Variants in PCNX1 observed in about 807,000 individuals in gnomAD.
PCNX1 encodes pecanex-like protein 1.
Under a neutral mutation model 242.2 loss-of-function variants are expected in PCNX1, and 78 were observed. The observed-to-expected ratio is 0.32, with a 90% CI of 0.27 to 0.39. The LOEUF (loss-of-function observed/expected upper bound fraction) is 0.39, where lower values mean the gene tolerates loss of function less well. PCNX1 is among the 10% of genes least tolerant of loss of function. The probability of loss-of-function intolerance (pLI) is 1.00; values close to 1 mark genes in which losing one functional copy is unlikely to be tolerated. For missense variants in PCNX1, 2,581 were observed against 2,856.5 expected (o/e 0.90, Z 2.20); for synonymous variants, 1,024 against 1,032.9 (o/e 0.99, Z 0.17).
intron 30 of PCNX1, among the ~76,000 whole-genome samples, chr14:71,090,866 T>C (rs2062109970): frequency 6.6e-6 from 1 of 152,222 alleles, no homozygotes; most frequent in African/African-American, 2.4e-5. Flanking sequence ...ATGCCTTGGG[T>C]GCCTGCCCCT....
rs1168482584 is a variant in PCNX1, at chr14:70,977,418, C to G, written c.1081C>G (p.Pro361Ala). Residue 361 changes from proline to alanine, a missense_variant, in exon 6 of 36, where the codon CCT (proline) becomes GCT (alanine). Pro to Ala is a conservative substitution (Grantham distance 27). This residue lies in a region of PCNX1 where 1,204 missense variants were observed against 1,216.7 expected (regional missense o/e 0.99). Coordinates refer to ENST00000304743, the MANE Select transcript of PCNX1 (RefSeq NM_014982.3). ...ACCCACAAAAAGTGGGAAGAGCAAACCTTTGAAAGCAGAGAAAAGCATGGA... is the reference window on the plus strand; with the variant it reads ...ACCCACAAAAAGTGGGAAGAGCAAAGCTTTGAAAGCAGAGAAAAGCATGGA... ...QPPTKSGKSK[P>A]LKAEKSMDSL... The G allele has an allele frequency of 1.9e-6, 3 of 1,614,046 alleles. No homozygotes were observed. The highest frequency in any genetic ancestry group is 4.5e-5 in the East Asian group (2 of 44,874).
At chr14:70,920,476 A>G (rs2810072) in intron 1 of PCNX1, among the ~76,000 whole-genome samples, 66,928 of 151,906 alleles carry the variant, frequency 0.44, 16,085 homozygotes, top group Non-Finnish European at 0.55. Flanking sequence ...AAGGTTTTAC[A>G]TCTATGATAG....
chr14:70,998,958 AC>A (rs1282799971), intron 8 of PCNX1, among the ~76,000 whole-genome samples: 5 of 152,010 alleles, frequency 3.3e-5, no homozygotes, highest in African/African-American at 1.2e-4. Context: ...TATTTTAAAG[AC>A]CACATATTAA....
chr14:71,026,126 C>T lies in PCNX1; in HGVS notation c.3193C>T (p.Arg1065Cys), dbSNP rs774061529. 5.7e-6 allele frequency: 9 copies of T among 1,579,332 alleles called. No individual in the cohort carries two copies. The highest frequency in any genetic ancestry group is 7.7e-6 in the Non-Finnish European group (9 of 1,161,434). The part of the protein sequence containing the change: ...DSSSPRHGHN[R>C]IIAYSRPVYF... ...AAAATATCATTTTCAGGGTCATAAT[C>T]GTATCATTGCCTACAGTAGACCAGT... Residue 1065 changes from arginine (R) to cysteine (C), a missense_variant, in exon 14 of 36, where the codon CGT (arginine) becomes TGT (cysteine). Around this residue, in one of 9 missense-constraint regions of PCNX1, gnomAD observed 432 missense variants for 443.1 expected, o/e 0.97. Transcript: ENST00000304743.
intron 24 of PCNX1, chr14:71,053,348 C>T (rs1375427759): frequency 4.5e-6 from 2 of 446,306 alleles, no homozygotes; most frequent in Non-Finnish European, 4.5e-6. Context: ...TCTCGACTCA[C>T]TGCAACCTCC....
chr14:71,063,509 T>C (rs1410485325), intron 26 of PCNX1, among the ~76,000 whole-genome samples: 1 of 152,186 alleles, frequency 6.6e-6, no homozygotes, highest in Non-Finnish European at 1.5e-5. Flanking sequence ...TTTTCTTCTT[T>C]CTGTTCATTC....
At position 71,073,524 on chromosome 14, in the gene PCNX1, A is replaced by AGC. The variant is rs1289817476; in HGVS notation, c.4853-20_4853-19dup. On this transcript the variant is annotated intron_variant, in intron 26 of 35. Transcript: ENST00000304743. ...ACTTTCTGGTTTTCCCCCTTTGTAA[A>AGC]GCTCTCTCTCTCTCTCTAAGGTACC... 3.9e-6 allele frequency: 6 copies of AGC among 1,537,018 alleles called. No homozygotes were observed. The Admixed American group carries it at 9.7e-5, about 25-fold the overall frequency.
intron 30 of PCNX1, among the ~76,000 whole-genome samples, chr14:71,091,353 T>G (rs939845352): frequency 6.6e-6 from 1 of 152,154 alleles, no homozygotes; most frequent in Non-Finnish European, 1.5e-5. Context: ...GCTTATATAC[T>G]AAAAGAAAGG....
chr14:71,000,682 A>G (rs2059479307), intron 8 of PCNX1, among the ~76,000 whole-genome samples: 1 of 151,992 alleles, frequency 6.6e-6, no homozygotes, highest in African/African-American at 2.4e-5. Flanking sequence ...ATGTGCCACC[A>G]TGCCTGGCTA....
In PCNX1 at chr14:71,102,932, CTTGT is replaced by C. The variant is rs530919236; in HGVS notation, c.5821-456_5821-453del. On this transcript the variant is annotated intron_variant, in intron 31 of 35. Coordinates refer to ENST00000304743, the MANE Select transcript of PCNX1 (RefSeq NM_014982.3). ...GTTAAATAGTTCATTCTAACTTTTG[CTTGT>C]TTGTTTTTTTAAACATCTCAGTGCT... Among the ~76,000 whole-genome samples the C allele has an allele frequency of 1.4e-3, 213 of 152,120 alleles. 1 individual carries two copies. The highest frequency in any genetic ancestry group is 0.014 in the Middle Eastern group (4 of 294).
chr14:70,978,986 A>G (rs957040315), intron 6 of PCNX1, among the ~76,000 whole-genome samples: 1 of 152,180 alleles, frequency 6.6e-6, no homozygotes, highest in Non-Finnish European at 1.5e-5. Context: ...ACAATAAAAT[A>G]TATAATTATT....
At chr14:70,957,765 G>A (rs56364038) in intron 2 of PCNX1, among the ~76,000 whole-genome samples, 1,869 of 152,084 alleles carry the variant, frequency 0.012, 42 homozygotes, top group African/African-American at 0.043. Flanking sequence ...TGAACTGTAC[G>A]ATATGTGAAT....
intron 19 of PCNX1, among the ~76,000 whole-genome samples, chr14:71,042,347 C>G (rs757718492): frequency 2.0e-5 from 3 of 152,086 alleles, no homozygotes; most frequent in Non-Finnish European, 4.4e-5. Context: ...TCTGGGTGCT[C>G]TGGTGTAGGG....
chr14:70,990,522 G>A (rs935347331), intron 7 of PCNX1, among the ~76,000 whole-genome samples: 4 of 151,160 alleles, frequency 2.6e-5, no homozygotes, highest in Admixed American at 2.0e-4. Flanking sequence ...CCAAGATTGC[G>A]TCACTGCACT....
At chr14:70,917,827 G>A (rs891552229) in intron 1 of PCNX1, among the ~76,000 whole-genome samples, 3 of 152,096 alleles carry the variant, frequency 2.0e-5, no homozygotes, top group Non-Finnish European at 2.9e-5. Flanking sequence ...GGCCTAGATG[G>A]CATATTCTTC....
intron 16 of PCNX1, among the ~76,000 whole-genome samples, chr14:71,032,658 A>G (rs2060421973): frequency 6.6e-6 from 1 of 152,200 alleles, no homozygotes; most frequent in African/African-American, 2.4e-5. Flanking sequence ...CACTCCTACC[A>G]TGTTTCCTTT....
intron 5 of PCNX1, among the ~76,000 whole-genome samples, chr14:70,976,665 G>T (rs1243712535): frequency 1.3e-5 from 2 of 152,026 alleles, no homozygotes; most frequent in Admixed American, 6.6e-5. Context: ...GAGCCACTGC[G>T]CCCGGCCCCT....
chr14:70,915,302 T>C (rs1206090682), intron 1 of PCNX1, among the ~76,000 whole-genome samples: 2 of 152,188 alleles, frequency 1.3e-5, no homozygotes, highest in Non-Finnish European at 2.9e-5. Flanking sequence ...CCTTTTCTCT[T>C]TCCAAATAAG....
At chr14:71,036,710 G>A (rs2060545734) in intron 19 of PCNX1, among the ~76,000 whole-genome samples, 1 of 152,156 alleles carries the variant, frequency 6.6e-6, no homozygotes, top group Non-Finnish European at 1.5e-5. Context: ...TGTTAAGCAG[G>A]ACTATAACTT....
Sources: allele counts gnomAD v4.1 joint callset (sites outside exome capture counted in the v4.1 genomes callset), GRCh38; gene constraint gnomAD v4.1.1; regional missense constraint gnomAD v4.1.1; transcripts MANE v1.5; gene names NCBI Gene and HGNC (gene_info 2026-07-23, HGNC 2026-07-21).